Variants in QRICH1 observed in about 807,000 individuals in gnomAD.
The protein encoded by QRICH1 is glutamine rich 1.
Under a neutral mutation model 87.1 loss-of-function variants are expected in QRICH1, and 16 were observed. The ratio of observed to expected loss-of-function variants is 0.18; its 90% CI spans 0.12 to 0.28. QRICH1 has a LOEUF of 0.28. QRICH1 is among the 10% of genes least tolerant of loss of function. The pLI, the probability that QRICH1 is intolerant of heterozygous loss-of-function variation, is 1.00. For synonymous variants in QRICH1, 367 were observed against 368.4 expected (o/e 1.00, Z 0.05); for missense variants, 647 against 951.7 (o/e 0.68, Z 4.21).
chr3:49,094,180 C>T, upstream of QRICH1: 2 of 393,372 alleles, frequency 5.1e-6, no homozygotes, highest in Non-Finnish European at 9.0e-6. Context: ...AAGGTGGCCG[C>T]GCTTCTGGCC....
intron 1 of QRICH1, among the ~76,000 whole-genome samples, chr3:49,091,594 T>C (rs1016297995): frequency 2.0e-5 from 3 of 152,202 alleles, no homozygotes; most frequent in Non-Finnish European, 4.4e-5. Flanking sequence ...GATGTGGAAC[T>C]GCAGAGGTTC....
intron 2 of QRICH1, among the ~76,000 whole-genome samples, chr3:49,065,059 T>C (rs548160071): frequency 3.3e-5 from 5 of 151,720 alleles, no homozygotes; most frequent in Non-Finnish European, 7.4e-5. Flanking sequence ...TTAACATAAA[T>C]AACATATTCT....
chr3:49,044,223 A>G (rs756935593), intron 6 of QRICH1, among the ~76,000 whole-genome samples, 167 bp downstream of exon 6: 23 of 152,226 alleles, frequency 1.5e-4, no homozygotes, highest in Non-Finnish European at 2.9e-4. Flanking sequence ...TTCTCTGGTG[A>G]GCAGTGCCTC....
At chr3:49,053,394 A>G (rs1369342024) in intron 3 of QRICH1, among the ~76,000 whole-genome samples, 2 of 151,692 alleles carry the variant, frequency 1.3e-5, no homozygotes, top group Non-Finnish European at 2.9e-5. Context: ...AGGCTGAGGC[A>G]AAATGGTGTG....
intron 2 of QRICH1, among the ~76,000 whole-genome samples, chr3:49,066,465 C>CTT (rs747105949): frequency 5.6e-5 from 8 of 143,328 alleles, no homozygotes; most frequent in Admixed American, 7.1e-5. Flanking sequence ...CTTTACTTTT[C>CTT]TTTTTTTTTT....
intron 2 of QRICH1, among the ~76,000 whole-genome samples, chr3:49,058,919 C>T (rs1233888571): frequency 6.6e-6 from 1 of 151,536 alleles, no homozygotes; most frequent in African/African-American, 2.4e-5. Flanking sequence ...TGAGCCACCA[C>T]GGCCAGCATT....
At chr3:49,089,641 A>G (rs1380756600) in intron 1 of QRICH1, among the ~76,000 whole-genome samples, 3 of 152,220 alleles carry the variant, frequency 2.0e-5, no homozygotes, top group Admixed American at 1.3e-4. Context: ...TATTCATACA[A>G]CAGAATACTA....
intron 2 of QRICH1, among the ~76,000 whole-genome samples, chr3:49,068,229 T>C (rs2093479193): frequency 6.6e-6 from 1 of 151,886 alleles, no homozygotes; most frequent in Admixed American, 6.6e-5. Flanking sequence ...TGGTGGTGCA[T>C]GCCTGTAGTC....
intron 1 of QRICH1, chr3:49,093,606 A>AACGCGCACGTCGGCGGCC (rs2042323708): frequency 6.5e-6 from 1 of 154,566 alleles, no homozygotes. Context: ...CCGGGCCGGG[A>AACGCGCACGTCGGCGGCC]ACGCGCACGT....
At chr3:49,089,485 AT>A (rs570916796) in intron 1 of QRICH1, among the ~76,000 whole-genome samples, 50 of 152,158 alleles carry the variant, frequency 3.3e-4, no homozygotes, top group Non-Finnish European at 6.3e-4. Flanking sequence ...AACCTGAGCA[AT>A]TTTACCCATC....
At chr3:49,034,819 CAT>C (rs1330244453) in intron 6 of QRICH1, among the ~76,000 whole-genome samples, 1 of 152,184 alleles carries the variant, frequency 6.6e-6, no homozygotes, top group Non-Finnish European at 1.5e-5. Flanking sequence ...TCAGTATGCA[CAT>C]GTTTGTGCAC....
chr3:49,090,985 G>A (rs1252134180), intron 1 of QRICH1, among the ~76,000 whole-genome samples: 2 of 152,206 alleles, frequency 1.3e-5, no homozygotes, highest in African/African-American at 4.8e-5. Flanking sequence ...CACTTTGGGA[G>A]GCCAAGGTGG....
intron 2 of QRICH1, among the ~76,000 whole-genome samples, chr3:49,073,737 C>G (rs1044557146): frequency 2.0e-5 from 3 of 151,650 alleles, no homozygotes; most frequent in Non-Finnish European, 2.9e-5. Flanking sequence ...ACCTCCACCT[C>G]CCAGGCTCAA....
intron 2 of QRICH1, among the ~76,000 whole-genome samples, chr3:49,070,885 C>T (rs1157583958): frequency 2.0e-5 from 3 of 152,036 alleles, no homozygotes; most frequent in Non-Finnish European, 2.9e-5. Context: ...GAAAGACGAA[C>T]GTTAATAGTG....
At chr3:49,048,526 C>T (rs1447573305) in intron 3 of QRICH1, among the ~76,000 whole-genome samples, 4 of 150,138 alleles carry the variant, frequency 2.7e-5, no homozygotes, top group Admixed American at 6.6e-5. Flanking sequence ...CAGTGGCTCA[C>T]ACCTGTAGTC....
intron 1 of QRICH1, among the ~76,000 whole-genome samples, chr3:49,090,628 C>G (rs867190629): frequency 8.4e-6 from 1 of 119,506 alleles, no homozygotes; most frequent in Non-Finnish European, 1.7e-5. Context: ...AACTCCATCT[C>G]AAAAAAAAAA....
chr3:49,076,348 C>A (rs2041950905), intron 2 of QRICH1, among the ~76,000 whole-genome samples: 1 of 152,176 alleles, frequency 6.6e-6, no homozygotes, highest in Non-Finnish European at 1.5e-5. Flanking sequence ...AGCCCCTCAT[C>A]CTGGGAAAAG....
At chr3:49,032,333 C>T in intron 8 of QRICH1, 60 bp from the exon 9 acceptor site, 1 of 1,257,048 alleles carries the variant, frequency 8.0e-7, no homozygotes, top group South Asian at 1.2e-5. Context: ...ACCTCAGGCC[C>T]AGATCAGGAA....
intron 6 of QRICH1, among the ~76,000 whole-genome samples, chr3:49,041,635 C>CT (rs990961976): frequency 3.9e-4 from 57 of 147,166 alleles, no homozygotes; most frequent in Middle Eastern, 7.1e-3. Context: ...GCTGCTACTC[C>CT]TTTTTTTTTT....
Sources: allele counts gnomAD v4.1 joint callset (sites outside exome capture counted in the v4.1 genomes callset), GRCh38; gene constraint gnomAD v4.1.1; transcripts MANE v1.5; gene names NCBI Gene and HGNC (gene_info 2026-07-23, HGNC 2026-07-21).